Variants in SEMA5A observed in about 807,000 individuals in gnomAD.
The protein encoded by SEMA5A is semaphorin-5A.
A neutral mutation model predicts 135.5 loss-of-function variants in SEMA5A; 55 were observed. The ratio of observed to expected loss-of-function variants is 0.41; its 90% CI spans 0.33 to 0.51. SEMA5A has a LOEUF of 0.51. SEMA5A is among the 20% of genes least tolerant of loss of function. The pLI is 0.37. For missense variants in SEMA5A, 1,290 were observed against 1,419.9 expected (o/e 0.91, Z 1.47); for synonymous variants, 580 against 546.5 (o/e 1.06, Z -0.85).
intron 11 of SEMA5A, among the ~76,000 whole-genome samples, chr5:9,159,741 C>T (rs999168252): frequency 5.9e-5 from 9 of 152,260 alleles, no homozygotes; most frequent in African/African-American, 2.2e-4. Context: ...TACTATAAAG[C>T]CACACGCACA....
At chr5:9,283,131 C>T (rs1016499103) in intron 5 of SEMA5A, among the ~76,000 whole-genome samples, 9 of 152,146 alleles carry the variant, frequency 5.9e-5, no homozygotes, top group African/African-American at 1.9e-4. Flanking sequence ...ACTGATACAA[C>T]TCGTTTTAGT....
intron 1 of SEMA5A, among the ~76,000 whole-genome samples, chr5:9,524,319 C>T (rs571391557): frequency 5.9e-5 from 9 of 152,108 alleles, no homozygotes; most frequent in Non-Finnish European, 7.4e-5. Flanking sequence ...AATGTGAGAA[C>T]GGACTAATAC....
intron 2 of SEMA5A, among the ~76,000 whole-genome samples, chr5:9,414,533 C>A (rs1028816097): frequency 6.6e-6 from 1 of 152,202 alleles, no homozygotes; most frequent in African/African-American, 2.4e-5. Flanking sequence ...GCATCATTGG[C>A]AAGACTGACG....
At chr5:9,113,798 G>A (rs1213444273) in intron 15 of SEMA5A, among the ~76,000 whole-genome samples, 3 of 152,162 alleles carry the variant, frequency 2.0e-5, no homozygotes, top group Non-Finnish European at 2.9e-5. Flanking sequence ...AAAAACAAAA[G>A]TAAATAAGAA....
At chr5:9,067,679 G>C (rs535999335) in intron 16 of SEMA5A, among the ~76,000 whole-genome samples, 3 of 152,244 alleles carry the variant, frequency 2.0e-5, no homozygotes, top group South Asian at 2.1e-4. Flanking sequence ...ACTTGAGTTT[G>C]GGTCCTTTTG....
chr5:9,237,922 G>GA, intron 5 of SEMA5A, 32 bp from the exon 6 acceptor site: 2 of 1,595,068 alleles, frequency 1.3e-6, no homozygotes, highest in Non-Finnish European at 1.7e-6. Context: ...TAGCAGTCAT[G>GA]GTTTTGACTA....
chr5:9,458,469 GC>G (rs897778180), intron 1 of SEMA5A, among the ~76,000 whole-genome samples: 30 of 152,154 alleles, frequency 2.0e-4, no homozygotes, highest in African/African-American at 7.2e-4. Context: ...ACTTTAAGCT[GC>G]TCCTCCTCAT....
chr5:9,434,867 T>C (rs886878950), intron 2 of SEMA5A, among the ~76,000 whole-genome samples: 1 of 152,192 alleles, frequency 6.6e-6, no homozygotes, highest in Non-Finnish European at 1.5e-5. Context: ...GCTGCAATTA[T>C]AGATTTCTAA....
chr5:9,443,728 A>G (rs755657512), intron 1 of SEMA5A, among the ~76,000 whole-genome samples: 2 of 152,286 alleles, frequency 1.3e-5, no homozygotes, highest in African/African-American at 2.4e-5. Flanking sequence ...GATACAAATA[A>G]CAGCAATGTC....
chr5:9,221,366 G>A lies in SEMA5A; in HGVS notation c.646+3308C>T, dbSNP rs529038504. Among the ~76,000 whole-genome samples the A allele has an allele frequency of 2.9e-4, 41 of 141,406 alleles. No individual in the cohort carries two copies. The South Asian group carries it at 3.0e-3, about 10-fold the overall frequency. 92.8% of individuals were successfully genotyped at this position (141,406 alleles called of 152,430 possible). ...CACCCAGGCTGGAGTGCAGTGGCGC[G>A]ATCTCGGCTTACTGCAAGCTCCGCC... On this transcript the variant is annotated intron_variant, in intron 8 of 22. Coordinates refer to ENST00000382496, the MANE Select transcript of SEMA5A (RefSeq NM_003966.3).
chr5:9,066,315 A>G (rs554917765), intron 17 of SEMA5A, 106 bp downstream of exon 17: 4 of 1,064,064 alleles, frequency 3.8e-6, no homozygotes, highest in East Asian at 4.7e-5. Context: ...CTGCTAAGCC[A>G]TAAATAACCA....
At chr5:9,087,181 A>C (rs944198742) in intron 16 of SEMA5A, among the ~76,000 whole-genome samples, 1 of 152,208 alleles carries the variant, frequency 6.6e-6, no homozygotes, top group African/African-American at 2.4e-5. Context: ...TGCTCCCTAA[A>C]TCGGACCCCA....
chr5:9,314,755 G>A (rs1329643224), intron 5 of SEMA5A, among the ~76,000 whole-genome samples: 1 of 152,044 alleles, frequency 6.6e-6, no homozygotes, highest in African/African-American at 2.4e-5. Flanking sequence ...TAAGTAAACA[G>A]TAGGCTACAG....
chr5:9,044,810 GTTTTACTC>G (rs1034455087), intron 21 of SEMA5A, among the ~76,000 whole-genome samples: 10 of 151,992 alleles, frequency 6.6e-5, no homozygotes, highest in African/African-American at 2.4e-4. Context: ...TTGAAATGGA[GTTTTACTC>G]TTGTTGCCCA....
intron 12 of SEMA5A, among the ~76,000 whole-genome samples, chr5:9,137,545 C>A (rs1741828300): frequency 6.6e-6 from 1 of 151,998 alleles, no homozygotes; most frequent in African/African-American, 2.4e-5. Context: ...GGACATTGAA[C>A]CTGGGAATTC....
At chr5:9,077,977 G>A (rs1738162742) in intron 16 of SEMA5A, among the ~76,000 whole-genome samples, 1 of 152,172 alleles carries the variant, frequency 6.6e-6, no homozygotes, top group South Asian at 2.1e-4. Context: ...AAGCTCAGGA[G>A]AATAAGAAAA....
At chr5:9,401,407 C>T (rs1401692417) in intron 2 of SEMA5A, among the ~76,000 whole-genome samples, 2 of 152,150 alleles carry the variant, frequency 1.3e-5, no homozygotes, top group Non-Finnish European at 2.9e-5. Flanking sequence ...TAAACATGTC[C>T]TTCTAGAATC....
At chr5:9,512,527 C>CT (rs929132502) in intron 1 of SEMA5A, among the ~76,000 whole-genome samples, 205 of 151,626 alleles carry the variant, frequency 1.4e-3, no homozygotes, top group African/African-American at 4.5e-3. Flanking sequence ...TCCTTTCTAT[C>CT]TTTTTTTTTC....
chr5:9,215,705 A>C (rs1056364786), intron 8 of SEMA5A, among the ~76,000 whole-genome samples: 1 of 152,142 alleles, frequency 6.6e-6, no homozygotes, highest in Non-Finnish European at 1.5e-5. Flanking sequence ...GTAGTTTCTG[A>C]TGGTTATTTT....
Sources: gnomAD v4.1 joint callset for allele counts (sites outside exome capture counted in the v4.1 genomes callset) on GRCh38, gnomAD v4.1.1 for gene constraint, MANE v1.5 for transcripts, NCBI Gene and HGNC (gene_info 2026-07-23, HGNC 2026-07-21) for gene names.